The following ANO2 variants were observed in gnomAD, a reference collection of about 807,000 sequenced individuals.
ANO2 encodes the protein anoctamin-2.
In ANO2, 101 loss-of-function variants were observed where a neutral mutation model predicts 124.2. The observed-to-expected ratio is 0.81, with a 90% CI of 0.69 to 0.96. The LOEUF is 0.96. ANO2 is among the 40% of genes least tolerant of loss of function. The pLI, the probability that ANO2 is intolerant of heterozygous loss-of-function variation, is 0.00. For synonymous variants in ANO2, 486 were observed against 482.5 expected, an observed-to-expected ratio of 1.01 and a Z score of -0.09; for missense variants, 1,293 against 1,274.5, an observed-to-expected ratio of 1.01 and a Z score of -0.22.
chr12:5,918,733 C>G (rs1941525292), intron 3 of ANO2, among the ~76,000 whole-genome samples: 1 of 152,122 alleles, frequency 6.6e-6, no homozygotes, highest in South Asian at 2.1e-4. Flanking sequence ...GCCACCACAC[C>G]CAGCCAACTT....
chr12:5,845,708 G>A (rs979969325), intron 4 of ANO2, among the ~76,000 whole-genome samples: 12 of 152,180 alleles, frequency 7.9e-5, no homozygotes, highest in Non-Finnish European at 8.8e-5. Context: ...GAGAGCAGGA[G>A]CGTGGCTTTG....
chr12:5,729,003 C>A (rs539417767), intron 14 of ANO2, among the ~76,000 whole-genome samples: 1 of 152,158 alleles, frequency 6.6e-6, no homozygotes, highest in African/African-American at 2.4e-5. Flanking sequence ...GATCATAGGC[C>A]TAACTGCAAG....
intron 20 of ANO2, among the ~76,000 whole-genome samples, chr12:5,594,053 G>A (rs763200343): frequency 2.6e-5 from 4 of 152,104 alleles, no homozygotes; most frequent in Non-Finnish European, 1.5e-5. Flanking sequence ...AAATAAAATA[G>A]CCATGTCTCT....
intron 8 of ANO2, 104 bp from the exon 9 acceptor site, chr12:5,806,197 T>A: frequency 6.6e-6 from 8 of 1,215,024 alleles, no homozygotes; most frequent in Non-Finnish European, 9.3e-6. Context: ...ATTGCTTTTT[T>A]TTCATTCCCA....
At chr12:5,888,433 C>G (rs556447361) in intron 3 of ANO2, among the ~76,000 whole-genome samples, 1 of 152,264 alleles carries the variant, frequency 6.6e-6, no homozygotes, top group South Asian at 2.1e-4. Context: ...CAGCAGCCTG[C>G]TTTTATTCTC....
intron 7 of ANO2, among the ~76,000 whole-genome samples, chr12:5,816,791 C>T (rs537464372): frequency 6.6e-6 from 1 of 152,310 alleles, no homozygotes; most frequent in African/African-American, 2.4e-5. Context: ...CCCAACTGCA[C>T]TCTGTATGTA....
At position 5,876,746 on chromosome 12, in the gene ANO2, C is replaced by A. The variant is rs200332685; in HGVS notation, c.535-22605G>T. On this transcript the variant is annotated intron_variant, in intron 3 of 24. Coordinates refer to ENST00000682330, the MANE Select transcript of ANO2 (RefSeq NM_001364791.2). Reference sequence around the variant, plus strand: ...CACAGGAACAGAAAACTAAACACTGCATGTTCTCACTCATAAGTGGGAGCT... The same window carrying A: ...CACAGGAACAGAAAACTAAACACTGAATGTTCTCACTCATAAGTGGGAGCT... Among the ~76,000 whole-genome samples, 12 of 152,266 alleles carry A rather than the reference C, an allele frequency of 7.9e-5. No homozygotes were observed. In the East Asian group the frequency reaches 2.3e-3, roughly 29 times the overall value.
intron 13 of ANO2, chr12:5,739,040 G>C: frequency 1.7e-6 from 1 of 582,428 alleles, no homozygotes; most frequent in Non-Finnish European, 3.2e-6. Flanking sequence ...TGCATCTTCT[G>C]CCACCTCTTT....
chr12:5,585,720 C>T (rs1943078752), intron 20 of ANO2, among the ~76,000 whole-genome samples: 1 of 152,178 alleles, frequency 6.6e-6, no homozygotes, highest in South Asian at 2.1e-4. Context: ...CCTCCATCCT[C>T]TCATTTGGAC....
chr12:5,915,357 C>CA (rs1165032603), intron 3 of ANO2, among the ~76,000 whole-genome samples: 3 of 152,050 alleles, frequency 2.0e-5, no homozygotes, highest in East Asian at 3.9e-4. Flanking sequence ...GAAATATGCA[C>CA]AAAAAATGAA....
At chr12:5,885,042 C>T (rs150050800) in intron 3 of ANO2, among the ~76,000 whole-genome samples, 2 of 152,328 alleles carry the variant, frequency 1.3e-5, no homozygotes, top group East Asian at 1.9e-4. Context: ...CCTTCCCTGG[C>T]CTCATGTCAG....
intron 1 of ANO2, among the ~76,000 whole-genome samples, chr12:5,936,842 A>T (rs1248898270): frequency 6.6e-6 from 1 of 152,240 alleles, no homozygotes; most frequent in East Asian, 1.9e-4. Context: ...CATTCTTTGT[A>T]CATGACTCTC....
rs559315869 is a variant in ANO2, at chr12:5,843,075, G to C, written c.634-10472C>G. Among the ~76,000 whole-genome samples the C allele has an allele frequency of 3.3e-4, 50 of 152,250 alleles. 2 individuals are homozygous for C. In the South Asian group the frequency reaches 9.7e-3, roughly 30 times the overall value. On this transcript the variant is annotated intron_variant, in intron 4 of 24. Coordinates refer to ENST00000682330, the MANE Select transcript of ANO2 (RefSeq NM_001364791.2). ...AAACAAATGTTAGAGAACAGGTAAT[G>C]ACAGCAAGAGAAAGACCCCACCTAT...
intron 18 of ANO2, 58 bp downstream of exon 18, chr12:5,612,843 A>C (rs1944612430): frequency 6.2e-7 from 1 of 1,610,512 alleles, no homozygotes; most frequent in African/African-American, 1.3e-5. Flanking sequence ...GCTGTGCTGG[A>C]GATAAGAATG....
intron 16 of ANO2, among the ~76,000 whole-genome samples, chr12:5,633,753 G>A (rs926480560): frequency 2.0e-5 from 3 of 152,144 alleles, no homozygotes; most frequent in Non-Finnish European, 4.4e-5. Context: ...CTGTTCCACT[G>A]GTGTTTAGCT....
intron 19 of ANO2, chr12:5,609,194 T>C (rs949398332): frequency 5.9e-5 from 9 of 152,212 alleles, no homozygotes; most frequent in Admixed American, 5.2e-4. Flanking sequence ...CTTGACTTTA[T>C]CACTGAGTGA....
At chr12:5,655,016 G>T (rs1947088291) in intron 14 of ANO2, among the ~76,000 whole-genome samples, 1 of 152,088 alleles carries the variant, frequency 6.6e-6, no homozygotes, top group Non-Finnish European at 1.5e-5. Flanking sequence ...TTGCTGCCTG[G>T]CCATACTTTT....
At chr12:5,599,204 A>G (rs573262780) in intron 20 of ANO2, among the ~76,000 whole-genome samples, 2 of 152,368 alleles carry the variant, frequency 1.3e-5, no homozygotes, top group African/African-American at 4.8e-5. Flanking sequence ...ACTTTAGTTT[A>G]TAGATGAGGA....
chr12:5,807,424 A>C, intron 7 of ANO2, 56 bp from the exon 8 acceptor site: 1 of 1,470,110 alleles, frequency 6.8e-7, no homozygotes, highest in Non-Finnish European at 9.3e-7. Flanking sequence ...TTCTCAACTT[A>C]ACCCCTGTTT....
Sources: allele counts gnomAD v4.1 joint callset (sites outside exome capture counted in the v4.1 genomes callset), GRCh38; gene constraint gnomAD v4.1.1; transcripts MANE v1.5; gene names NCBI Gene and HGNC (gene_info 2026-07-23, HGNC 2026-07-21).